Variants in RALGAPA1 observed in about 807,000 individuals in gnomAD.
The protein encoded by RALGAPA1 is ral GTPase-activating protein subunit alpha-1.
Under a neutral mutation model 269.6 loss-of-function variants are expected in RALGAPA1, and 52 were observed. The ratio of observed to expected loss-of-function variants is 0.19; its 90% CI spans 0.15 to 0.24. RALGAPA1 has a LOEUF of 0.24. Among genes scored for constraint, RALGAPA1 ranks in the 10% least tolerant of loss-of-function variants. RALGAPA1 has a pLI of 1.00. For synonymous variants in RALGAPA1, 817 were observed against 1,008.3 expected (o/e 0.81, Z 3.60); for missense variants, 1,917 against 3,013.9 (o/e 0.64, Z 8.52).
At chr14:35,744,145 G>A (rs1372153325) in intron 10 of RALGAPA1, among the ~76,000 whole-genome samples, 22 of 152,098 alleles carry the variant, frequency 1.4e-4, no homozygotes, top group Admixed American at 1.4e-3. Context: ...GCCAAGGCTG[G>A]CAGATCACCT....
intron 37 of RALGAPA1, among the ~76,000 whole-genome samples, chr14:35,585,185 A>C (rs1320490210): frequency 6.6e-6 from 1 of 152,216 alleles, no homozygotes; most frequent in African/African-American, 2.4e-5. Context: ...GCAAAAACTG[A>C]CATAACTTCA....
intron 39 of RALGAPA1, among the ~76,000 whole-genome samples, chr14:35,559,890 G>A (rs926292084): frequency 6.6e-6 from 1 of 152,118 alleles, no homozygotes; most frequent in Non-Finnish European, 1.5e-5. Flanking sequence ...AGAATGAAGA[G>A]TATCATGAGT....
rs879476546 is a variant in RALGAPA1, at chr14:35,657,362, G to A, written c.5388-1447C>T. ...CGCTACGACACCTGGCTAATTTTTT[G>A]TATTTTTAGTAGAGACGTGGTTTCA... On this transcript the variant is annotated intron_variant, in intron 28 of 41. Coordinates refer to ENST00000680220, the MANE Select transcript of RALGAPA1 (RefSeq NM_001346249.2). Among the ~76,000 whole-genome samples the A allele has an allele frequency of 3.3e-5, 5 of 151,476 alleles. 1 individual carries two copies. The highest frequency in any genetic ancestry group is 4.9e-5 in the African/African-American group (2 of 41,192).
chr14:35,665,610 T>C (rs1315004280), intron 26 of RALGAPA1, among the ~76,000 whole-genome samples: 2 of 152,206 alleles, frequency 1.3e-5, no homozygotes, highest in African/African-American at 4.8e-5. Context: ...TACTCTATTA[T>C]ATGATTTTCA....
intron 36 of RALGAPA1, among the ~76,000 whole-genome samples, chr14:35,600,784 G>A (rs1307755775): frequency 6.6e-6 from 1 of 151,982 alleles, no homozygotes; most frequent in African/African-American, 2.4e-5. Context: ...TATCAAGGTT[G>A]TTTTAAATAT....
intron 24 of RALGAPA1, 70 bp downstream of exon 24, chr14:35,674,110 A>C (rs2064740088): frequency 8.0e-7 from 1 of 1,243,070 alleles, no homozygotes; most frequent in Non-Finnish European, 1.1e-6. Flanking sequence ...TAATAGCCAA[A>C]ATCTCTATAA....
intron 1 of RALGAPA1, among the ~76,000 whole-genome samples, chr14:35,784,129 C>CA (rs547204394): frequency 0.067 from 9,366 of 139,282 alleles, 803 homozygotes; most frequent in African/African-American, 0.2. Flanking sequence ...TCATCTCTAT[C>CA]AAAAAAAAAA....
intron 16 of RALGAPA1, among the ~76,000 whole-genome samples, chr14:35,719,442 T>G (rs766230522): frequency 1.3e-5 from 2 of 152,242 alleles, no homozygotes; most frequent in Non-Finnish European, 1.5e-5. Context: ...GATTTAACTT[T>G]GATAGGCTTG....
chr14:35,596,144 A>G (rs915917510), intron 36 of RALGAPA1, among the ~76,000 whole-genome samples: 4 of 152,072 alleles, frequency 2.6e-5, no homozygotes, highest in African/African-American at 7.2e-5. Flanking sequence ...TAAAATGGTA[A>G]TATCAGTTTG....
chr14:35,643,703 T>A (rs1165990822), intron 31 of RALGAPA1, among the ~76,000 whole-genome samples: 1 of 152,118 alleles, frequency 6.6e-6, no homozygotes, highest in East Asian at 1.9e-4. Flanking sequence ...TATTCAGCCA[T>A]AAAGAAGAAT....
chr14:35,654,723 T>C (rs954033069), intron 29 of RALGAPA1, among the ~76,000 whole-genome samples: 1 of 152,244 alleles, frequency 6.6e-6, no homozygotes, highest in South Asian at 2.1e-4. Context: ...TTTTCTCTTA[T>C]GTGGATTTAT....
intron 16 of RALGAPA1, among the ~76,000 whole-genome samples, chr14:35,713,029 A>G (rs1327994806): frequency 6.6e-6 from 1 of 152,202 alleles, no homozygotes; most frequent in Non-Finnish European, 1.5e-5. Flanking sequence ...TCATGGTAAG[A>G]TTTTCAATTT....
Position 35,731,990 on chromosome 14 carries a change from T to C in RALGAPA1, c.1588-3480A>G, listed in dbSNP as rs369156777. The stretch of plus-strand genomic sequence containing the variant: ...ACTCTTAAGAACTGTGAGACAAAAC[T>C]ACCAGGTAACCCACAAAGGAAAACC... On this transcript the variant is annotated intron_variant, in intron 12 of 41. Coordinates refer to ENST00000680220, the MANE Select transcript of RALGAPA1 (RefSeq NM_001346249.2). Among the ~76,000 whole-genome samples the C allele has an allele frequency of 4.6e-5, 7 of 152,276 alleles. No homozygotes were observed. In the East Asian group the frequency reaches 7.7e-4, roughly 17 times the overall value.
intron 41 of RALGAPA1, among the ~76,000 whole-genome samples, chr14:35,543,458 A>C (rs1039638700): frequency 6.6e-6 from 1 of 152,136 alleles, no homozygotes; most frequent in African/African-American, 2.4e-5. Flanking sequence ...CATACCATTA[A>C]ATTTAGTTTG....
chr14:35,609,772 A>C (rs530343848), intron 35 of RALGAPA1, among the ~76,000 whole-genome samples: 563 of 151,748 alleles, frequency 3.7e-3, no homozygotes, highest in Non-Finnish European at 5.5e-3. Flanking sequence ...AAAGAAAAAA[A>C]CCAGCTGGGT....
intron 17 of RALGAPA1, among the ~76,000 whole-genome samples, chr14:35,697,924 T>G (rs1393837393): frequency 6.6e-6 from 1 of 152,192 alleles, no homozygotes; most frequent in Non-Finnish European, 1.5e-5. Context: ...ATATTTTAAA[T>G]GTACACAAGC....
chr14:35,732,405 C>T (rs2070577361), intron 12 of RALGAPA1, among the ~76,000 whole-genome samples: 2 of 151,142 alleles, frequency 1.3e-5, no homozygotes. Flanking sequence ...TACCTCACAT[C>T]TCAATACTAA....
In RALGAPA1 at chr14:35,752,222, A is replaced by G. The variant is rs186491173; in HGVS notation, c.664-60T>C. The stretch of plus-strand genomic sequence containing the variant: ...AAGAAAGAATCTCTTAAATGCAAGT[A>G]TTAGCAATTATAAACAAGCTTGTAA... On this transcript the variant is annotated intron_variant, in intron 7 of 41. Transcript: ENST00000680220. 7.8e-6 allele frequency: 11 copies of G among 1,409,544 alleles called. No individual in the cohort carries two copies. In the African/African-American group the frequency reaches 1.2e-4, roughly 15 times the overall value. 87.3% of individuals were successfully genotyped at this position (1,409,544 alleles called of 1,614,324 possible).
At chr14:35,560,022 G>C (rs891566882) in intron 39 of RALGAPA1, among the ~76,000 whole-genome samples, 1 of 152,064 alleles carries the variant, frequency 6.6e-6, no homozygotes, top group East Asian at 1.9e-4. Flanking sequence ...TATTAGCCTG[G>C]CAATTATTGC....
Sources: allele counts gnomAD v4.1 joint callset (sites outside exome capture counted in the v4.1 genomes callset), GRCh38; gene constraint gnomAD v4.1.1; transcripts MANE v1.5; gene names NCBI Gene and HGNC (gene_info 2026-07-23, HGNC 2026-07-21).